Variants in CREBRF observed in about 807,000 individuals in gnomAD.
CREBRF encodes the protein CREB3 regulatory factor, also known as UPF0474 protein C5orf41.
Under a neutral mutation model 66.1 loss-of-function variants are expected in CREBRF, and 5 were observed. That is an observed-to-expected ratio of 0.08 (90% CI 0.04 to 0.16). The LOEUF is 0.16. Ranked by LOEUF, CREBRF falls within the 10% of genes least tolerant of loss-of-function variation. CREBRF has a pLI of 1.00. For missense variants in CREBRF, 531 were observed against 744.9 expected, an observed-to-expected ratio of 0.71 and a Z score of 3.34; for synonymous variants, 229 against 264.4, an observed-to-expected ratio of 0.87 and a Z score of 1.30.
chr5:173,079,820 A>C (rs956148552), intron 1 of CREBRF, among the ~76,000 whole-genome samples: 4 of 152,240 alleles, frequency 2.6e-5, no homozygotes, highest in African/African-American at 9.6e-5. Flanking sequence ...TGAAGCGAGT[A>C]TAACTGTTTA....
At chr5:173,064,110 T>C (rs899376425) in intron 1 of CREBRF, among the ~76,000 whole-genome samples, 7 of 152,180 alleles carry the variant, frequency 4.6e-5, no homozygotes, top group African/African-American at 4.8e-5. Flanking sequence ...GTTGTACATA[T>C]GTTTTCTTCA....
At chr5:173,094,961 G>A (rs1758441577) in intron 4 of CREBRF, among the ~76,000 whole-genome samples, 2 of 151,874 alleles carry the variant, frequency 1.3e-5, no homozygotes, top group Non-Finnish European at 1.5e-5. Context: ...TTTTCAATAT[G>A]GTATGAGATA....
At chr5:173,077,282 A>AT (rs1757794461) in intron 1 of CREBRF, among the ~76,000 whole-genome samples, 1 of 152,110 alleles carries the variant, frequency 6.6e-6, no homozygotes, top group African/African-American at 2.4e-5. Context: ...CGTAAAAAAA[A>AT]TTTTTTGTGG....
chr5:173,063,099 G>T (rs1757327601), intron 1 of CREBRF, among the ~76,000 whole-genome samples: 1 of 152,120 alleles, frequency 6.6e-6, no homozygotes, highest in Non-Finnish European at 1.5e-5. Context: ...GGTAGGCTAG[G>T]ATTTGGATCG....
intron 4 of CREBRF, among the ~76,000 whole-genome samples, chr5:173,098,059 A>T (rs546227862): frequency 3.4e-5 from 5 of 148,828 alleles, no homozygotes; most frequent in Non-Finnish European, 7.4e-5. Flanking sequence ...GTAAGTTTTG[A>T]TATGTTGTGT....
In CREBRF at chr5:173,137,431, C is replaced by G. The variant is rs557430186; in HGVS notation, c.*3686C>G. On this transcript the variant is annotated 3_prime_UTR_variant, in exon 9 of 9. Transcript: ENST00000296953. ...AAGATTAGCAGTAATTTCACTACAT[C>G]CCTTTTCTCTGACTTTCATGCATTT... The G allele has an allele frequency of 3.3e-5, 5 of 151,976 alleles. No homozygotes were observed. Among genetic ancestry groups the G allele is most frequent in the Non-Finnish European group, 7.4e-5 (5 of 67,918 alleles). 9.4% of individuals were successfully genotyped at this position (151,976 alleles called of 1,614,324 possible).
chr5:173,136,830 C>A lies in CREBRF; in HGVS notation c.*3085C>A, dbSNP rs1317915481. 6.6e-6 allele frequency: 1 copy of A among 152,300 alleles called. No homozygotes were observed. The highest frequency in any genetic ancestry group is 2.4e-5 in the African/African-American group (1 of 41,392). 9.4% of individuals were successfully genotyped at this position (152,300 alleles called of 1,614,324 possible). ...TCTCTAAAGGTTTTCTGTGTTCATA[C>A]ATGGTATACAGATAGCTCATAATGA... On this transcript the variant is annotated 3_prime_UTR_variant, in exon 9 of 9. Coordinates refer to ENST00000296953, the MANE Select transcript of CREBRF (RefSeq NM_153607.3).
chr5:173,079,854 T>G (rs1392250504), intron 1 of CREBRF, among the ~76,000 whole-genome samples: 3 of 152,160 alleles, frequency 2.0e-5, no homozygotes, highest in Non-Finnish European at 4.4e-5. Context: ...AAAGTCTTCA[T>G]GGAGAAGGGA....
intron 7 of CREBRF, among the ~76,000 whole-genome samples, chr5:173,121,119 TAAC>T (rs1462143238): frequency 6.6e-6 from 1 of 152,234 alleles, no homozygotes; most frequent in African/African-American, 2.4e-5. Flanking sequence ...TCTAAAGTGA[TAAC>T]AACACCTTTT....
At chr5:173,121,409 G>A (rs1759136793) in intron 7 of CREBRF, among the ~76,000 whole-genome samples, 2 of 150,664 alleles carry the variant, frequency 1.3e-5, no homozygotes, top group African/African-American at 2.5e-5. Context: ...TGCAAGCTCC[G>A]CCTCCTGAGT....
At chr5:173,086,176 C>T in intron 2 of CREBRF, 1 of 774,374 alleles carries the variant, frequency 1.3e-6, no homozygotes, top group Non-Finnish European at 2.4e-6. Context: ...CCAACAGCAC[C>T]ATCACCCACA....
intron 1 of CREBRF, among the ~76,000 whole-genome samples, chr5:173,077,056 G>GCCT (rs1158658180): frequency 1.3e-5 from 2 of 151,014 alleles, no homozygotes; most frequent in African/African-American, 4.9e-5. Context: ...CGATTCTCCT[G>GCCT]CCTCAGCCTC....
chr5:173,082,945 A>AAAAAAC, intron 2 of CREBRF, among the ~76,000 whole-genome samples: 1 of 122,748 alleles, frequency 8.1e-6, no homozygotes, highest in East Asian at 2.3e-4. Flanking sequence ...AAAAAAAAAA[A>AAAAAAC]ACCGGGTGCA....
At chr5:173,124,089 T>G (rs1051103099) in intron 8 of CREBRF, 21 of 152,240 alleles carry the variant, frequency 1.4e-4, no homozygotes, top group Admixed American at 8.5e-4. Context: ...AAGAAAAAGT[T>G]ATTTTTACCT....
At position 173,095,258 on chromosome 5, in the gene CREBRF, G is replaced by C. The variant is rs1406451965; in HGVS notation, c.1222+3857G>C. On this transcript the variant is annotated intron_variant, in intron 4 of 8. Transcript: ENST00000296953. The stretch of plus-strand genomic sequence containing the variant: ...GGCTGGAGTGCAGTGGCCCGATCTT[G>C]GCTCACTGCAAGCTCCGCCTCCCAG... Among the ~76,000 whole-genome samples the C allele has an allele frequency of 3.1e-5, 4 of 130,260 alleles. No individual in the cohort carries two copies. In the East Asian group the frequency reaches 7.0e-4, roughly 23 times the overall value. 85.5% of individuals were successfully genotyped at this position (130,260 alleles called of 152,430 possible).
intron 4 of CREBRF, among the ~76,000 whole-genome samples, chr5:173,094,006 A>G (rs539689897): frequency 6.6e-6 from 1 of 152,212 alleles, no homozygotes; most frequent in African/African-American, 2.4e-5. Flanking sequence ...TTTCGCATGT[A>G]AATGAGATCA....
At chr5:173,107,817 ATTTTTTTT>A (rs559120882) in intron 4 of CREBRF, among the ~76,000 whole-genome samples, 23,584 of 122,198 alleles carry the variant, frequency 0.19, 2,857 homozygotes, top group African/African-American at 0.37. Context: ...TCTCTACAAA[ATTTTTTTT>A]TTTTTTTTTT....
intron 3 of CREBRF, among the ~76,000 whole-genome samples, chr5:173,088,816 AT>A (rs1758242506): frequency 6.6e-6 from 1 of 152,212 alleles, no homozygotes; most frequent in African/African-American, 2.4e-5. Flanking sequence ...ACTAAAAATT[AT>A]TGAATTGTCT....
intron 1 of CREBRF, among the ~76,000 whole-genome samples, chr5:173,073,844 G>A (rs1021686171): frequency 6.6e-6 from 1 of 152,274 alleles, no homozygotes; most frequent in Middle Eastern, 3.4e-3. Context: ...GTGGGCGCCT[G>A]TAGTCCCAGC....
Sources: gnomAD v4.1 joint callset for allele counts (sites outside exome capture counted in the v4.1 genomes callset) on GRCh38, gnomAD v4.1.1 for gene constraint, MANE v1.5 for transcripts, NCBI Gene and HGNC (gene_info 2026-07-23, HGNC 2026-07-21) for gene names.